The following DDX43 variants were observed in gnomAD, a reference collection of about 807,000 sequenced individuals.
The protein encoded by DDX43 is probable ATP-dependent RNA helicase DDX43.
DDX43 carries 50 observed loss-of-function variants against 84.9 expected under a neutral mutation model. The observed-to-expected ratio is 0.59, with a 90% CI of 0.47 to 0.75. DDX43 has a LOEUF of 0.75. Among genes scored for constraint, DDX43 ranks in the 30% least tolerant of loss-of-function variants. The pLI is 0.00. For missense variants in DDX43, 689 were observed against 798.6 expected (o/e 0.86, Z 1.65); for synonymous variants, 291 against 266.3 (o/e 1.09, Z -0.90).
At chr6:73,395,235 C>G in intron 1 of DDX43, 80 bp downstream of exon 1, 1 of 1,475,886 alleles carries the variant, frequency 6.8e-7, no homozygotes, top group South Asian at 1.3e-5. Flanking sequence ...CTCCCCACTG[C>G]CTCACCTCCA....
chr6:73,397,764 C>T lies in DDX43; in HGVS notation c.306+20C>T, dbSNP rs770499670. The T allele has an allele frequency of 6.2e-6, 10 of 1,610,602 alleles. No homozygotes were observed. Among genetic ancestry groups the T allele is most frequent in the South Asian group, 1.1e-5 (1 of 90,970 alleles). ...ATCCAAGTAAGCCATCTGTGTTTTTCGGCCCTTAAGAGAGCATCATGCATT... is the reference window on the plus strand; with the variant it reads ...ATCCAAGTAAGCCATCTGTGTTTTTTGGCCCTTAAGAGAGCATCATGCATT... On this transcript the variant is annotated intron_variant, in intron 2 of 16. Coordinates refer to ENST00000370336, the MANE Select transcript of DDX43 (RefSeq NM_018665.3).
chr6:73,413,223 T>C (rs1202836009), intron 11 of DDX43, among the ~76,000 whole-genome samples: 1 of 152,182 alleles, frequency 6.6e-6, no homozygotes, highest in East Asian at 1.9e-4. Context: ...GCTTAATCAT[T>C]AATAAATGAA....
At chr6:73,406,526 G>A in intron 7 of DDX43, 44 bp downstream of exon 7, 2 of 1,208,530 alleles carry the variant, frequency 1.7e-6, no homozygotes, top group East Asian at 2.4e-5. Context: ...AGGTTTAATA[G>A]ATTTAGATAT....
chr6:73,404,811 AGTTAC>A, intron 5 of DDX43, 40 bp downstream of exon 5: 1 of 1,489,412 alleles, frequency 6.7e-7, no homozygotes, highest in Non-Finnish European at 9.3e-7. Context: ...GTATTTGTAT[AGTTAC>A]GTTATTGGTA....
intron 10 of DDX43, among the ~76,000 whole-genome samples, chr6:73,409,733 T>C (rs975952913): frequency 2.0e-5 from 3 of 152,194 alleles, no homozygotes; most frequent in African/African-American, 7.2e-5. Context: ...CCTTTATTAG[T>C]ATAAATAACA....
At chr6:73,408,615 C>T (rs1240941088) in intron 9 of DDX43, among the ~76,000 whole-genome samples, 1 of 151,476 alleles carries the variant, frequency 6.6e-6, no homozygotes, top group African/African-American at 2.4e-5. Context: ...GGAGTGCTGT[C>T]GCATGATCTT....
At position 73,409,300 on chromosome 6, in the gene DDX43, T is replaced by G. The variant is rs1769741775; in HGVS notation, c.1232T>G (p.Met411Arg). The change falls in exon 10 of 17, where the codon ATG becomes AGG. Residue 411 changes from methionine to arginine, a missense_variant. Met to Arg is a moderately conservative substitution (Grantham distance 91). Around this residue, in one of 2 missense-constraint regions of DDX43, gnomAD observed 552 missense variants for 692.7 expected, o/e 0.80. Coordinates refer to ENST00000370336, the MANE Select transcript of DDX43 (RefSeq NM_018665.3). Reference sequence around the variant, plus strand: ...GACATGGGATTTGAACCCCAGATAATGAAGATTTTGTTAGATGTGCGCCCA... The same window carrying G: ...GACATGGGATTTGAACCCCAGATAAGGAAGATTTTGTTAGATGTGCGCCCA... Reference protein sequence around the residue: ...MLDMGFEPQIMKILLDVRPDR... With the variant: ...MLDMGFEPQIRKILLDVRPDR... The G allele has an allele frequency of 3.3e-5, 54 of 1,613,988 alleles. No homozygotes were observed. Among genetic ancestry groups the G allele is most frequent in the Non-Finnish European group, 4.5e-5 (53 of 1,180,008 alleles).
At chr6:73,416,805 A>G (rs1426012190) in intron 16 of DDX43, among the ~76,000 whole-genome samples, 7 of 152,186 alleles carry the variant, frequency 4.6e-5, no homozygotes. Flanking sequence ...TTGGGAGGCC[A>G]AGGCAGGCGG....
At chr6:73,400,735 T>C (rs1277072110) in intron 3 of DDX43, among the ~76,000 whole-genome samples, 1 of 152,218 alleles carries the variant, frequency 6.6e-6, no homozygotes, top group African/African-American at 2.4e-5. Context: ...CTAACCCTAG[T>C]CTTGTCTTCA....
chr6:73,397,924 A>G, intron 2 of DDX43, 180 bp downstream of exon 2: 1 of 444,618 alleles, frequency 2.2e-6, no homozygotes, highest in Non-Finnish European at 4.0e-6. Flanking sequence ...CAGCCTCCTG[A>G]GTAGCTGGAA....
At position 73,401,845 on chromosome 6, in the gene DDX43, A is replaced by C; in HGVS notation, c.437-14A>C. ...AAATAGAAAAAAACTAATCGATACA[A>C]ATGTTTTTAACAGATACTGCATTCC... On this transcript the variant is annotated splice_polypyrimidine_tract_variant and intron_variant, in intron 3 of 16. Coordinates refer to ENST00000370336, the MANE Select transcript of DDX43 (RefSeq NM_018665.3). 6.3e-7 allele frequency: 1 copy of C among 1,595,402 alleles called. No individual in the cohort carries two copies. Among genetic ancestry groups the C allele is most frequent in the Non-Finnish European group, 8.5e-7 (1 of 1,174,322 alleles).
rs1227210528 is a variant in DDX43, at chr6:73,407,597, CA to C, written c.1020del (p.Tyr341IlefsTer19). 1 of 1,611,704 alleles carries C rather than the reference CA, an allele frequency of 6.2e-7. No individual in the cohort carries two copies. The highest frequency in any genetic ancestry group is 1.7e-5 in the Admixed American group (1 of 59,964). On this transcript the variant is annotated frameshift_variant, in exon 8 of 17. Coordinates refer to ENST00000370336, the MANE Select transcript of DDX43 (RefSeq NM_018665.3). LOFTEE classifies it high-confidence loss of function. ...GTAGAAGGAGAATGTTGCAAATATT[CA>C]TATAAAGGGCTTCGGAGGTAAGTAA... ...LQVEGECCKY[S>X]YKGLRSVCVY...
At chr6:73,399,412 A>G (rs953727448) in intron 2 of DDX43, among the ~76,000 whole-genome samples, 7 of 151,850 alleles carry the variant, frequency 4.6e-5, no homozygotes, top group African/African-American at 7.3e-5. Context: ...TACTCCACCC[A>G]CTTCCTGACA....
Position 73,409,154 on chromosome 6 carries a change from A to G in DDX43, c.1180-94A>G, listed in dbSNP as rs1024897483. ...GCTTAAGTAATAGGGGAAATGAGAA[A>G]AGCCTTTCTTAGTGTTCTACTAATA... On this transcript the variant is annotated intron_variant, in intron 9 of 16. Coordinates refer to ENST00000370336, the MANE Select transcript of DDX43 (RefSeq NM_018665.3). The G allele has an allele frequency of 6.0e-5, 55 of 922,640 alleles. No homozygotes were observed. In the Admixed American group the frequency reaches 1.1e-3, roughly 18 times the overall value. 57.2% of individuals were successfully genotyped at this position (922,640 alleles called of 1,614,324 possible).
Position 73,395,040 on chromosome 6 carries a change from C to G in DDX43, c.135C>G (p.Val45=), listed in dbSNP as rs775392321. 8 of 1,612,300 alleles carry G rather than the reference C, an allele frequency of 5.0e-6. No individual in the cohort carries two copies. The highest frequency in any genetic ancestry group is 6.8e-6 in the Non-Finnish European group (8 of 1,179,364). The change falls in exon 1 of 17, where the codon GTC becomes GTG. Residue 45 remains valine, a synonymous_variant. Transcript: ENST00000370336. ...LNRTGPEGYS[V]GRGGRWRGTS... ...GAACAGGTCCTGAGGGATATAGTGT[C>G]GGCAGAGGTGGTCGCTGGAGAGGCA...
intron 4 of DDX43, among the ~76,000 whole-genome samples, chr6:73,402,888 G>A (rs1334517595): frequency 6.6e-6 from 1 of 152,022 alleles, no homozygotes; most frequent in Non-Finnish European, 1.5e-5. Context: ...CCTTTTGTTT[G>A]AATTTTAAAT....
In DDX43 at chr6:73,413,765, C is replaced by T. The variant is rs1414613540; in HGVS notation, c.1476C>T (p.Val492=). The T allele has an allele frequency of 1.7e-5, 27 of 1,612,970 alleles. No individual in the cohort carries two copies. Among genetic ancestry groups the T allele is most frequent in the Admixed American group, 3.3e-5 (2 of 59,760 alleles). Residue 492 remains valine, a synonymous_variant, in exon 12 of 17, where the codon GTC becomes GTT. Transcript: ENST00000370336. ...QSMSSTDKVI[V]FVSRKAVADH... ...TGTCATCCACAGACAAAGTCATTGT[C>T]TTCGTTTCTCGAAAAGCTGTGTAGG...
chr6:73,412,656 TG>T (rs1769812493), intron 11 of DDX43, among the ~76,000 whole-genome samples: 1 of 87,966 alleles, frequency 1.1e-5, no homozygotes, highest in Non-Finnish European at 2.5e-5. Context: ...TGTGTGTGTG[TG>T]TGTGTGTGTG....
At chr6:73,395,330 C>A (rs1769444543) in intron 1 of DDX43, among the ~76,000 whole-genome samples, 175 bp downstream of exon 1, 1 of 152,112 alleles carries the variant, frequency 6.6e-6, no homozygotes, top group Non-Finnish European at 1.5e-5. Context: ...TCTGGCCGGG[C>A]GCGTTGGCTC....
Sources: gnomAD v4.1 joint callset for allele counts (sites outside exome capture counted in the v4.1 genomes callset) on GRCh38, gnomAD v4.1.1 for gene constraint, gnomAD v4.1.1 regional missense constraint, MANE v1.5 for transcripts, NCBI Gene and HGNC (gene_info 2026-07-23, HGNC 2026-07-21) for gene names.